Variants in GULP1 observed in about 807,000 individuals in gnomAD.
The protein encoded by GULP1 is PTB domain-containing engulfment adapter protein 1.
Under a neutral mutation model 40.9 loss-of-function variants are expected in GULP1, and 19 were observed. The ratio of observed to expected loss-of-function variants is 0.46; its 90% confidence interval spans 0.32 to 0.68. The LOEUF is 0.68. Among genes scored for constraint, GULP1 ranks in the 30% least tolerant of loss-of-function variants. The pLI, the probability that GULP1 is intolerant of heterozygous loss-of-function variation, is 0.03. For missense variants in GULP1, 312 were observed against 362.2 expected (o/e 0.86, Z 1.12); for synonymous variants, 119 against 117.6 (o/e 1.01, Z -0.08).
chr2:188,449,740 C>T (rs572656724), intron 2 of GULP1, among the ~76,000 whole-genome samples: 2 of 152,220 alleles, frequency 1.3e-5, no homozygotes, highest in East Asian at 3.9e-4. Flanking sequence ...TGGAATCATG[C>T]CTGGAAATAA....
intron 1 of GULP1, among the ~76,000 whole-genome samples, chr2:188,345,477 A>T (rs2043521686): frequency 6.6e-6 from 1 of 152,242 alleles, no homozygotes; most frequent in South Asian, 2.1e-4. Flanking sequence ...TTTTTAAAAA[A>T]GAAATAATAA....
chr2:188,419,954 G>A (rs1330074658), intron 2 of GULP1, among the ~76,000 whole-genome samples: 1 of 152,120 alleles, frequency 6.6e-6, no homozygotes, highest in Non-Finnish European at 1.5e-5. Context: ...TTGTTGAAGA[G>A]AGTATCCTTT....
chr2:188,421,672 A>G (rs1465129072), intron 2 of GULP1, among the ~76,000 whole-genome samples: 1 of 152,166 alleles, frequency 6.6e-6, no homozygotes, highest in African/African-American at 2.4e-5. Context: ...GAAGAATTTC[A>G]GATAATATGA....
intron 1 of GULP1, among the ~76,000 whole-genome samples, chr2:188,357,002 C>A (rs890505732): frequency 2.6e-5 from 4 of 152,036 alleles, no homozygotes; most frequent in Admixed American, 2.0e-4. Flanking sequence ...AACAGGATAT[C>A]CACATGCAGA....
chr2:188,387,245 A>T (rs1185576044), intron 2 of GULP1, among the ~76,000 whole-genome samples: 1 of 152,166 alleles, frequency 6.6e-6, no homozygotes, highest in African/African-American at 2.4e-5. Context: ...TAAAAAAAAA[A>T]ATAAAGAAAA....
intron 2 of GULP1, among the ~76,000 whole-genome samples, chr2:188,444,907 G>A (rs1034888231): frequency 1.3e-5 from 2 of 152,152 alleles, no homozygotes; most frequent in African/African-American, 4.8e-5. Context: ...AGAATCTTGT[G>A]TAATAAATAG....
intron 1 of GULP1, among the ~76,000 whole-genome samples, chr2:188,368,165 T>C (rs1179462407): frequency 2.6e-5 from 4 of 152,196 alleles, no homozygotes; most frequent in Admixed American, 2.6e-4. Context: ...AAATAAAATC[T>C]AATGCATATG....
Position 188,411,175 on chromosome 2 carries a change from C to T in GULP1, c.-45+27286C>T, listed in dbSNP as rs74665298. On this transcript the variant is annotated intron_variant, in intron 2 of 11. Transcript: ENST00000409830. The stretch of plus-strand genomic sequence containing the variant: ...ACCCTTCTTGGTGTCTGTGAGTGCC[C>T]GGGACCCTCAGCCAGACTGACAAGC... Among the ~76,000 whole-genome samples, 1,353 of 152,192 alleles carry T rather than the reference C, an allele frequency of 8.9e-3. 28 individuals are homozygous for T. Among genetic ancestry groups the T allele is most frequent in the African/African-American group, 0.031 (1,284 of 41,530 alleles).
intron 6 of GULP1, among the ~76,000 whole-genome samples, chr2:188,531,656 T>C (rs1687571962): frequency 6.6e-6 from 1 of 152,150 alleles, no homozygotes; most frequent in African/African-American, 2.4e-5. Flanking sequence ...AGAGGGTTGA[T>C]TCAAGCATAT....
intron 2 of GULP1, among the ~76,000 whole-genome samples, chr2:188,463,891 T>C (rs1411877056): frequency 6.6e-6 from 1 of 152,206 alleles, no homozygotes; most frequent in Non-Finnish European, 1.5e-5. Context: ...ATTTATCTGA[T>C]AGAATTTTGA....
chr2:188,327,562 A>T (rs1447165977), intron 1 of GULP1, among the ~76,000 whole-genome samples: 4 of 152,084 alleles, frequency 2.6e-5, no homozygotes, highest in Non-Finnish European at 4.4e-5. Flanking sequence ...TTATTTTTTC[A>T]GGCTGTGTCC....
chr2:188,331,467 C>CG (rs2152052429), intron 1 of GULP1, among the ~76,000 whole-genome samples: 1 of 152,286 alleles, frequency 6.6e-6, no homozygotes, highest in Non-Finnish European at 1.5e-5. Flanking sequence ...ATTTACTATA[C>CG]ATAAGAATCA....
chr2:188,374,558 A>C (rs1276400351), intron 1 of GULP1, among the ~76,000 whole-genome samples: 1 of 152,186 alleles, frequency 6.6e-6, no homozygotes, highest in Non-Finnish European at 1.5e-5. Flanking sequence ...TCAGTCCTCC[A>C]GTTCGTTAAT....
chr2:188,441,384 G>A (rs190241435), intron 2 of GULP1, among the ~76,000 whole-genome samples: 1 of 152,298 alleles, frequency 6.6e-6, no homozygotes, highest in East Asian at 1.9e-4. Context: ...GCTGAGGAGG[G>A]TTGATATTTA....
chr2:188,399,690 G>GAAAAAAA (rs55877284), intron 2 of GULP1, among the ~76,000 whole-genome samples: 15 of 64,664 alleles, frequency 2.3e-4, no homozygotes, highest in East Asian at 1.2e-3. Context: ...GTCCCTACAA[G>GAAAAAAA]AAAAAAAAAA....
chr2:188,461,325 T>TC lies in GULP1; in HGVS notation c.-44-16334_-44-16333insC, dbSNP rs1174893867. ...CTTCATTTTACTGGTAAGCTTTTTTTTTTTTTTTTTTTGAGGCAGAGTTTT... is the reference window on the plus strand; with the variant it reads ...CTTCATTTTACTGGTAAGCTTTTTTTCTTTTTTTTTTTTGAGGCAGAGTTTT... On this transcript the variant is annotated intron_variant, in intron 2 of 11. Transcript: ENST00000409830. Among the ~76,000 whole-genome samples the TC allele has an allele frequency of 3.3e-5, 5 of 151,058 alleles. No homozygotes were observed. In the East Asian group the frequency reaches 9.7e-4, roughly 29 times the overall value.
At chr2:188,366,332 A>C (rs140341454) in intron 1 of GULP1, among the ~76,000 whole-genome samples, 1 of 152,228 alleles carries the variant, frequency 6.6e-6, no homozygotes, top group Non-Finnish European at 1.5e-5. Context: ...AGGCAGAATT[A>C]TTTTCCCTAG....
At chr2:188,411,685 T>A (rs1189611740) in intron 2 of GULP1, among the ~76,000 whole-genome samples, 1 of 152,232 alleles carries the variant, frequency 6.6e-6, no homozygotes, top group Non-Finnish European at 1.5e-5. Flanking sequence ...TTGTTTCCAA[T>A]TTTTCAATCA....
At chr2:188,580,611 C>T (rs1226341004) in intron 9 of GULP1, among the ~76,000 whole-genome samples, 6 of 151,852 alleles carry the variant, frequency 4.0e-5, no homozygotes, top group Admixed American at 3.3e-4. Context: ...TTTATATATG[C>T]ATATTAATAG....
Sources: allele counts gnomAD v4.1 joint callset (sites outside exome capture counted in the v4.1 genomes callset), GRCh38; gene constraint gnomAD v4.1.1; transcripts MANE v1.5; gene names NCBI Gene and HGNC (gene_info 2026-07-23, HGNC 2026-07-21).